The following KDM3B variants were observed in gnomAD, a reference collection of about 807,000 sequenced individuals.
KDM3B encodes the protein lysine demethylase 3B.
In KDM3B, 10 loss-of-function variants were observed where a neutral mutation model predicts 170.0. The observed-to-expected ratio is 0.06, with a 90% CI of 0.04 to 0.10. The LOEUF is 0.10. Ranked by LOEUF, KDM3B falls within the 10% of genes least tolerant of loss-of-function variation. KDM3B has a pLI of 1.00. For missense variants in KDM3B, 1,394 were observed against 2,195.2 expected, an observed-to-expected ratio of 0.64 and a Z score of 7.29; for synonymous variants, 831 against 834.8, an observed-to-expected ratio of 1.00 and a Z score of 0.08.
intron 1 of KDM3B, among the ~76,000 whole-genome samples, chr5:138,354,038 C>A (rs1351071893): frequency 6.6e-6 from 1 of 152,092 alleles, no homozygotes; most frequent in East Asian, 1.9e-4. Flanking sequence ...GATGAACTTG[C>A]TTTTGCAGAT....
chr5:138,388,501 A>G (rs889770309), intron 7 of KDM3B, among the ~76,000 whole-genome samples: 22 of 151,800 alleles, frequency 1.4e-4, no homozygotes, highest in Non-Finnish European at 1.2e-4. Context: ...GCGTGGTGGC[A>G]AGCGCCTGTA....
intron 2 of KDM3B, among the ~76,000 whole-genome samples, chr5:138,373,658 A>AT (rs1561761220): frequency 6.6e-6 from 1 of 151,532 alleles, no homozygotes; most frequent in Non-Finnish European, 1.5e-5. Context: ...TAATTTTTGT[A>AT]TTTTTTTGTA....
chr5:138,353,068 G>A, intron 1 of KDM3B, 81 bp downstream of exon 1: 1 of 1,043,712 alleles, frequency 9.6e-7, no homozygotes, highest in East Asian at 3.6e-5. Flanking sequence ...TTGTGAGGGG[G>A]CGGTGGGATG....
Position 138,391,681 on chromosome 5 carries a change from G to A in KDM3B, c.2049G>A (p.Ser683=), listed in dbSNP as rs371416654. The change falls in exon 8 of 24, where the codon TCG becomes TCA. Residue 683 remains serine, a synonymous_variant. Coordinates refer to ENST00000314358, the MANE Select transcript of KDM3B (RefSeq NM_016604.4). The surrounding 1 kb of genome is among the most constrained non-coding windows in gnomAD (Gnocchi z 5.0). ...SWPESHSSAD[S]ASLAKKKPLF... Reference sequence around the variant, plus strand: ...CCGAGTCTCACTCCTCTGCAGATTCGGCATCTTTAGCAAAGAAGAAACCCC... The same window carrying A: ...CCGAGTCTCACTCCTCTGCAGATTCAGCATCTTTAGCAAAGAAGAAACCCC... 6 of 1,613,812 alleles carry A rather than the reference G, an allele frequency of 3.7e-6. No homozygotes were observed. The highest frequency in any genetic ancestry group is 3.3e-5 in the South Asian group (3 of 91,068).
At chr5:138,358,131 G>A (rs1348823823) in intron 1 of KDM3B, among the ~76,000 whole-genome samples, 1 of 151,340 alleles carries the variant, frequency 6.6e-6, no homozygotes, top group East Asian at 1.9e-4. Context: ...GCAAGTAGTT[G>A]GGATTACAGG....
intron 4 of KDM3B, among the ~76,000 whole-genome samples, chr5:138,378,205 G>A (rs1017068975): frequency 1.3e-5 from 2 of 152,116 alleles, no homozygotes; most frequent in East Asian, 3.8e-4. Flanking sequence ...ATAATATACA[G>A]TTTTATTGTG....
chr5:138,368,627 C>T lies in KDM3B; in HGVS notation c.193-4047C>T, dbSNP rs55982482. On this transcript the variant is annotated intron_variant, in intron 1 of 23. Transcript: ENST00000314358. The stretch of plus-strand genomic sequence containing the variant: ...AGTACAGTCCTGGGCCAGAAATAAG[C>T]TTCACTCTTGGGGGAATATGTTTAC... 3.6e-3 allele frequency among the ~76,000 whole-genome samples: 549 copies of T among 152,252 alleles called. 7 individuals carry two copies. Among genetic ancestry groups the T allele is most frequent in the African/African-American group, 0.013 (527 of 41,548 alleles).
At position 138,393,270 on chromosome 5, in the gene KDM3B, A is replaced by T. The variant is rs1286622760; in HGVS notation, c.2729A>T (p.His910Leu). The part of the protein sequence containing the change: ...QDGSCINVAP[H>L]LHKCRECRLE... The stretch of plus-strand genomic sequence containing the variant: ...GGGTCATGCATCAATGTGGCACCTC[A>T]TCTGCACAAGTGTCGTGAATGCCGC... Residue 910 changes from histidine to leucine, a missense_variant, in exon 9 of 24, where the codon CAT becomes CTT. Coordinates refer to ENST00000314358, the MANE Select transcript of KDM3B (RefSeq NM_016604.4). The T allele has an allele frequency of 2.5e-6, 4 of 1,614,038 alleles. No homozygotes were observed. The African/African-American group carries it at 5.3e-5, about 22-fold the overall frequency.
chr5:138,422,907 T>C (rs1763308399), intron 15 of KDM3B, among the ~76,000 whole-genome samples: 1 of 152,186 alleles, frequency 6.6e-6, no homozygotes, highest in Non-Finnish European at 1.5e-5. Flanking sequence ...GACTGAGCCC[T>C]CTATACAATT....
At chr5:138,408,933 T>G (rs1580931968) in intron 11 of KDM3B, among the ~76,000 whole-genome samples, 1 of 152,172 alleles carries the variant, frequency 6.6e-6, no homozygotes, top group East Asian at 1.9e-4. Context: ...CAGGGGGCCA[T>G]AATACATAAA....
intron 20 of KDM3B, among the ~76,000 whole-genome samples, 154 bp downstream of exon 20, chr5:138,428,240 G>T (rs911598019): frequency 2.0e-5 from 3 of 147,836 alleles, no homozygotes; most frequent in Non-Finnish European, 3.0e-5. Flanking sequence ...GCAGAGTCTC[G>T]CTCTGTCCCC....
chr5:138,370,948 A>G (rs1360535055), intron 1 of KDM3B, among the ~76,000 whole-genome samples: 1 of 152,034 alleles, frequency 6.6e-6, no homozygotes, highest in Non-Finnish European at 1.5e-5. Flanking sequence ...AGCTGGAATT[A>G]TAGGTGCCCA....
intron 11 of KDM3B, among the ~76,000 whole-genome samples, chr5:138,403,616 G>C (rs1408481982): frequency 6.6e-6 from 1 of 151,368 alleles, no homozygotes; most frequent in African/African-American, 2.4e-5. Context: ...GGCAGAGCTT[G>C]CAGTGAGCCA....
chr5:138,395,199 A>G (rs1762517474), intron 9 of KDM3B, among the ~76,000 whole-genome samples: 1 of 152,186 alleles, frequency 6.6e-6, no homozygotes, highest in Non-Finnish European at 1.5e-5. Flanking sequence ...AGTTAAGGGA[A>G]GGGGTCCTAC....
At chr5:138,410,154 A>G (rs35231526) in intron 11 of KDM3B, among the ~76,000 whole-genome samples, 26,014 of 152,224 alleles carry the variant, frequency 0.17, 2,961 homozygotes, top group South Asian at 0.34. Context: ...CTTCTTCTAA[A>G]TTGATATGTA....
rs201415530 is a variant in KDM3B at position 138,386,441 on chromosome 5, A to G, written c.1200A>G (p.Gly400=). 2.5e-6 allele frequency: 4 copies of G among 1,614,148 alleles called. No homozygotes were observed. The highest frequency in any genetic ancestry group is 3.4e-6 in the Non-Finnish European group (4 of 1,180,042). The change falls in exon 7 of 24, where the codon GGA becomes GGG. Residue 400 remains glycine (G), a synonymous_variant. Coordinates refer to ENST00000314358, the MANE Select transcript of KDM3B (RefSeq NM_016604.4). ...GQTPLAPEVG[G]AENKEAGKTL... ...CACCTTTGGCCCCAGAGGTGGGTGGAGCCGAAAACAAAGAGGCAGGAAAAA... is the reference window on the plus strand; with the variant it reads ...CACCTTTGGCCCCAGAGGTGGGTGGGGCCGAAAACAAAGAGGCAGGAAAAA...
At chr5:138,427,674 A>AG (rs1487725624) in intron 19 of KDM3B, among the ~76,000 whole-genome samples, 2 of 152,188 alleles carry the variant, frequency 1.3e-5, no homozygotes, top group African/African-American at 4.8e-5. Flanking sequence ...GATGACCTAA[A>AG]TCACAGTGAA....
At chr5:138,384,264 C>T (rs766856164) in intron 6 of KDM3B, among the ~76,000 whole-genome samples, 4 of 146,210 alleles carry the variant, frequency 2.7e-5, no homozygotes, top group Non-Finnish European at 6.0e-5. Context: ...AAAAAAAAGT[C>T]AAAAGAAAAC....
At chr5:138,355,742 TG>T (rs1338864181) in intron 1 of KDM3B, among the ~76,000 whole-genome samples, 2 of 152,198 alleles carry the variant, frequency 1.3e-5, no homozygotes, top group African/African-American at 4.8e-5. Context: ...GCAGAGACCT[TG>T]GGACCGTCAC....
Sources: gnomAD v4.1 joint callset for allele counts (sites outside exome capture counted in the v4.1 genomes callset) on GRCh38, gnomAD v4.1.1 for gene constraint, Gnocchi (gnomAD v3.1) non-coding constraint, MANE v1.5 for transcripts, NCBI Gene and HGNC (gene_info 2026-07-23, HGNC 2026-07-21) for gene names.